UNC13C: variants seen among roughly 807,000 people sequenced by gnomAD.
The protein encoded by UNC13C is unc-13 homolog C.
A neutral mutation model predicts 245.4 loss-of-function variants in UNC13C; 174 were observed. The ratio of observed to expected loss-of-function variants is 0.71; its 90% CI spans 0.63 to 0.80. The LOEUF (loss-of-function observed/expected upper bound fraction) is 0.80, where lower values mean the gene tolerates loss of function less well. Among genes scored for constraint, UNC13C ranks in the 30% least tolerant of loss-of-function variants. UNC13C has a pLI of 0.00. For synonymous variants in UNC13C, 992 were observed against 895.1 expected (o/e 1.11, Z -1.93); for missense variants, 2,829 against 2,602.9 (o/e 1.09, Z -1.89).
intron 17 of UNC13C, among the ~76,000 whole-genome samples, chr15:54,384,477 C>A (rs2039794116): frequency 6.6e-6 from 1 of 152,014 alleles, no homozygotes; most frequent in Non-Finnish European, 1.5e-5. Flanking sequence ...TGAAACTGGA[C>A]CCCTGTCTCT....
At chr15:54,316,446 C>A (rs2038011266) in intron 13 of UNC13C, among the ~76,000 whole-genome samples, 1 of 151,878 alleles carries the variant, frequency 6.6e-6, no homozygotes, top group African/African-American at 2.4e-5. Flanking sequence ...ACTGTTAGCC[C>A]AGCCTCATCT....
intron 19 of UNC13C, among the ~76,000 whole-genome samples, chr15:54,463,354 C>T (rs959230640): frequency 2.7e-5 from 4 of 147,592 alleles, no homozygotes; most frequent in Non-Finnish European, 4.5e-5. Flanking sequence ...CCCTTCCACA[C>T]TGTGGAAGCT....
chr15:54,242,325 A>G (rs1208576597), intron 7 of UNC13C, among the ~76,000 whole-genome samples: 1 of 152,188 alleles, frequency 6.6e-6, no homozygotes, highest in Non-Finnish European at 1.5e-5. Flanking sequence ...CTTATTTAAT[A>G]TAGTGATTAT....
intron 1 of UNC13C, among the ~76,000 whole-genome samples, chr15:53,996,890 A>G (rs1894661533): frequency 6.6e-6 from 1 of 150,432 alleles, no homozygotes; most frequent in Non-Finnish European, 1.5e-5. Context: ...AATCTTATAC[A>G]CATTTGTTTG....
At chr15:54,084,892 C>G (rs1297195051) in intron 2 of UNC13C, among the ~76,000 whole-genome samples, 1 of 152,044 alleles carries the variant, frequency 6.6e-6, no homozygotes, top group Non-Finnish European at 1.5e-5. Flanking sequence ...GAAAAATGAT[C>G]TTTATTTTGC....
chr15:53,866,709 T>C, the UNC13C span, among the ~76,000 whole-genome samples: 7 of 152,184 alleles, frequency 4.6e-5, no homozygotes, highest in Non-Finnish European at 8.8e-5. Flanking sequence ...CTGCAAAGCA[T>C]AGATAAATTA....
At chr15:54,582,119 G>T (rs984913829) in intron 30 of UNC13C, among the ~76,000 whole-genome samples, 6 of 152,150 alleles carry the variant, frequency 3.9e-5, no homozygotes, top group Non-Finnish European at 7.4e-5. Context: ...AAAGAAGAAG[G>T]CCTTTTGGAA....
intron 30 of UNC13C, among the ~76,000 whole-genome samples, chr15:54,611,189 T>C (rs1900073824): frequency 6.6e-6 from 1 of 152,128 alleles, no homozygotes; most frequent in South Asian, 2.1e-4. Flanking sequence ...TATTTGCATA[T>C]GTGCAAGGAA....
the UNC13C span, among the ~76,000 whole-genome samples, chr15:53,870,651 A>G: frequency 6.6e-6 from 1 of 152,110 alleles, no homozygotes; most frequent in Non-Finnish European, 1.5e-5. Flanking sequence ...TAACTCATAA[A>G]AACACCTGAC....
At chr15:54,050,308 A>G (rs1897222910) in intron 2 of UNC13C, 3 of 588,768 alleles carry the variant, frequency 5.1e-6, no homozygotes, top group South Asian at 1.4e-5. Flanking sequence ...TGCCTGCTGT[A>G]TAAAGAACAT....
chr15:54,557,278 G>C (rs565621346), intron 29 of UNC13C, among the ~76,000 whole-genome samples: 36 of 151,898 alleles, frequency 2.4e-4, no homozygotes, highest in African/African-American at 8.2e-4. Flanking sequence ...CCTAACTTCT[G>C]TGATGCCAAC....
chr15:54,050,940 G>C, intron 2 of UNC13C: 1 of 541,608 alleles, frequency 1.8e-6, no homozygotes, highest in Non-Finnish European at 3.8e-6. Context: ...TTCCAGGAAA[G>C]CAGTGGCAAT....
intron 17 of UNC13C, among the ~76,000 whole-genome samples, chr15:54,362,126 G>T (rs375466191): frequency 3.3e-4 from 50 of 152,286 alleles, no homozygotes; most frequent in African/African-American, 1.1e-3. Flanking sequence ...AAGAATAGCT[G>T]CCAAGATCTG....
chr15:54,077,503 C>T (rs545223228), intron 2 of UNC13C, among the ~76,000 whole-genome samples: 3 of 149,658 alleles, frequency 2.0e-5, no homozygotes, highest in East Asian at 2.0e-4. Context: ...CTCAGCCTCC[C>T]GAGTAGCTGG....
chr15:54,440,986 G>A (rs1890496824), intron 19 of UNC13C, among the ~76,000 whole-genome samples: 1 of 151,798 alleles, frequency 6.6e-6, no homozygotes, highest in African/African-American at 2.4e-5. Context: ...CATGTCATTT[G>A]ACTACTTTTT....
chr15:53,869,241 C>T, the UNC13C span, among the ~76,000 whole-genome samples: 1 of 152,174 alleles, frequency 6.6e-6, no homozygotes. Context: ...TGGATGGCCA[C>T]ATGGGGAAAG....
At chr15:54,113,694 C>G (rs951168979) in intron 2 of UNC13C, among the ~76,000 whole-genome samples, 8 of 152,162 alleles carry the variant, frequency 5.3e-5, no homozygotes, top group Middle Eastern at 3.4e-3. Flanking sequence ...GGCGTGGTGG[C>G]ACAAGCCTGT....
chr15:54,049,029 C>T (rs893518152), intron 2 of UNC13C: 2 of 381,550 alleles, frequency 5.2e-6, no homozygotes, highest in South Asian at 2.3e-5. Flanking sequence ...CTTCCCAAAT[C>T]GTTTCACAGA....
the UNC13C span, among the ~76,000 whole-genome samples, chr15:53,884,215 C>T: frequency 6.6e-6 from 1 of 152,144 alleles, no homozygotes; most frequent in African/African-American, 2.4e-5. Context: ...AGCAGGAAGA[C>T]GAAGGGACCT....
Sources: allele counts gnomAD v4.1 joint callset (sites outside exome capture counted in the v4.1 genomes callset), GRCh38; gene constraint gnomAD v4.1.1; transcripts MANE v1.5; gene names NCBI Gene and HGNC (gene_info 2026-07-23, HGNC 2026-07-21).